Variants in CNEP1R1 observed in about 807,000 individuals in gnomAD.
CNEP1R1 encodes CTD nuclear envelope phosphatase 1 regulatory subunit 1.
In CNEP1R1, 10 loss-of-function variants were observed where a neutral mutation model predicts 22.7. The observed-to-expected ratio is 0.44, with a 90% confidence interval of 0.27 to 0.75. The LOEUF is 0.75. Among genes scored for constraint, CNEP1R1 ranks in the 30% least tolerant of loss-of-function variants. The pLI, the probability that CNEP1R1 is intolerant of heterozygous loss-of-function variation, is 0.17. For missense variants in CNEP1R1, 73 were observed against 151.5 expected (o/e 0.48, Z 2.72); for synonymous variants, 53 against 50.1 (o/e 1.06, Z -0.25).
At chr16:50,034,643 C>T (rs1451985881) in intron 5 of CNEP1R1, 1 of 159,110 alleles carries the variant, frequency 6.3e-6, no homozygotes, top group African/African-American at 2.4e-5. Context: ...GCTCATGCCT[C>T]TAATCCCAGC....
At chr16:50,029,913 G>A (rs2036217321) in intron 3 of CNEP1R1, 115 bp downstream of exon 3, 1 of 578,780 alleles carries the variant, frequency 1.7e-6, no homozygotes, top group Admixed American at 3.5e-5. Flanking sequence ...TAGTGATATT[G>A]TCATATTAAA....
rs751893359 is a variant in CNEP1R1 at position 50,025,277 on chromosome 16, C to A, written c.-39C>A. On this transcript the variant is annotated 5_prime_UTR_variant, in exon 1 of 6. Coordinates refer to ENST00000427478, the MANE Select transcript of CNEP1R1 (RefSeq NM_001281789.2). ...GGCGGGGGCCGCGGAAGCTGCGATGCGGACAGGGCAGCGGCGGTGACCCGA... is the reference window on the plus strand; with the variant it reads ...GGCGGGGGCCGCGGAAGCTGCGATGAGGACAGGGCAGCGGCGGTGACCCGA... 2.2e-6 allele frequency: 3 copies of A among 1,390,346 alleles called. No homozygotes were observed. Among genetic ancestry groups the A allele is most frequent in the Non-Finnish European group, 9.3e-7 (1 of 1,076,952 alleles). The allele number at this position is 1,390,346 out of a possible 1,614,324, so 86.1% of individuals were successfully genotyped here.
At chr16:50,034,782 G>T in intron 5 of CNEP1R1, 1 of 154,164 alleles carries the variant, frequency 6.5e-6, no homozygotes, top group Admixed American at 6.5e-5. Context: ...CACACCTGTA[G>T]TCCCAGCTGC....
intron 2 of CNEP1R1, 132 bp downstream of exon 2, chr16:50,026,599 A>G (rs1250491791): frequency 7.4e-6 from 5 of 678,638 alleles, no homozygotes; most frequent in African/African-American, 1.8e-5. Flanking sequence ...TTATGAAGAA[A>G]TTTTTAAGAA....
Position 50,035,419 on chromosome 16 carries a change from A to T in CNEP1R1, c.339A>T (p.Thr113=). The T allele has an allele frequency of 6.4e-7, 1 of 1,567,524 alleles. No individual in the cohort carries two copies. Among genetic ancestry groups the T allele is most frequent in the Non-Finnish European group, 8.7e-7 (1 of 1,149,622 alleles). Residue 113 remains threonine (T), a splice_region_variant and synonymous_variant, in exon 6 of 6, where the codon ACA becomes ACT. Coordinates refer to ENST00000427478, the MANE Select transcript of CNEP1R1 (RefSeq NM_001281789.2). The part of the protein sequence containing the change: ...LAEYNMSCDD[T]GKLILKPRPH... ...ATTCTGTCTTTTCATTTTTGCAGAC[A>T]GGAAAACTAATTTTGAAACCTAGGC...
intron 2 of CNEP1R1, among the ~76,000 whole-genome samples, chr16:50,028,335 T>G (rs1038826476): frequency 2.0e-5 from 3 of 152,224 alleles, no homozygotes; most frequent in Non-Finnish European, 4.4e-5. Flanking sequence ...TAGCACACAT[T>G]GAGGATTTAC....
chr16:50,032,469 T>C (rs1299651432), intron 3 of CNEP1R1, among the ~76,000 whole-genome samples: 1 of 152,216 alleles, frequency 6.6e-6, no homozygotes, highest in Admixed American at 6.5e-5. Context: ...TTTTCCCTAC[T>C]TGAATGTCCT....
Position 50,025,306 on chromosome 16 carries a change from G to A in CNEP1R1, c.-10G>A. On this transcript the variant is annotated 5_prime_UTR_variant, in exon 1 of 6. Coordinates refer to ENST00000427478, the MANE Select transcript of CNEP1R1 (RefSeq NM_001281789.2). ...CAGGGCAGCGGCGGTGACCCGAGCT[G>A]CCGCCCGACATGAACTCGCTGGAGC... 1 of 1,429,706 alleles carries A rather than the reference G, an allele frequency of 7.0e-7. No individual in the cohort carries two copies. Among genetic ancestry groups the A allele is most frequent in the Non-Finnish European group, 9.1e-7 (1 of 1,096,366 alleles). The allele number at this position is 1,429,706 out of a possible 1,614,324, so 88.6% of individuals were successfully genotyped here. A position where few individuals can be genotyped will look rare whatever the true frequency, so the allele number is the denominator to read the frequency against.
intron 1 of CNEP1R1, 58 bp from the exon 2 acceptor site, chr16:50,026,338 G>T: frequency 8.0e-7 from 1 of 1,243,326 alleles, no homozygotes; most frequent in South Asian, 1.3e-5. Context: ...TAAATACTCT[G>T]ACATTTCGTC....
chr16:50,026,553 G>A (rs1284201873), intron 2 of CNEP1R1, 86 bp downstream of exon 2: 3 of 1,088,954 alleles, frequency 2.8e-6, no homozygotes, highest in East Asian at 2.6e-5. Context: ...TATGTAAAAT[G>A]TTTGTTTAAA....
intron 1 of CNEP1R1, chr16:50,025,913 C>T (rs1372303681): frequency 5.3e-6 from 3 of 562,540 alleles, no homozygotes; most frequent in South Asian, 2.4e-5. Flanking sequence ...CTAGTAAGGC[C>T]AGACGGCGTA....
intron 3 of CNEP1R1, among the ~76,000 whole-genome samples, chr16:50,032,871 G>C (rs751068603): frequency 6.6e-6 from 1 of 152,124 alleles, no homozygotes; most frequent in Non-Finnish European, 1.5e-5. Context: ...CGGGTGTGGT[G>C]GTGGGCGCCT....
intron 5 of CNEP1R1, among the ~76,000 whole-genome samples, chr16:50,034,860 C>T (rs1335707442): frequency 6.6e-6 from 1 of 151,742 alleles, no homozygotes; most frequent in Non-Finnish European, 1.5e-5. Context: ...TGTGATCATA[C>T]CACTGCAGTC....
chr16:50,029,982 A>G (rs1365019324), intron 3 of CNEP1R1, among the ~76,000 whole-genome samples, 184 bp downstream of exon 3: 1 of 152,216 alleles, frequency 6.6e-6, no homozygotes, highest in African/African-American at 2.4e-5. Context: ...TGAATTAAGT[A>G]TGTCTACAGG....
At chr16:50,030,126 T>C (rs1456145977) in intron 3 of CNEP1R1, among the ~76,000 whole-genome samples, 1 of 152,190 alleles carries the variant, frequency 6.6e-6, no homozygotes, top group African/African-American at 2.4e-5. Context: ...TTCATTCTGC[T>C]TTGTTCATTG....
chr16:50,030,460 TGTAAA>T (rs746536728), intron 3 of CNEP1R1, among the ~76,000 whole-genome samples: 2 of 152,134 alleles, frequency 1.3e-5, no homozygotes, highest in Non-Finnish European at 2.9e-5. Context: ...AGAAAAAAAT[TGTAAA>T]ATAACATTTT....
At chr16:50,029,430 T>G (rs1192108159) in intron 2 of CNEP1R1, among the ~76,000 whole-genome samples, 1 of 152,230 alleles carries the variant, frequency 6.6e-6, no homozygotes, top group Non-Finnish European at 1.5e-5. Context: ...GAACGTTACA[T>G]AGCGTAGACT....
intron 3 of CNEP1R1, among the ~76,000 whole-genome samples, chr16:50,031,900 A>C (rs1320540109): frequency 6.6e-6 from 1 of 152,180 alleles, no homozygotes; most frequent in Non-Finnish European, 1.5e-5. Context: ...TGGCCTAATT[A>C]AAATGAAGAC....
chr16:50,025,476 C>G, intron 1 of CNEP1R1, 136 bp downstream of exon 1: 1 of 1,155,014 alleles, frequency 8.7e-7, no homozygotes, highest in Non-Finnish European at 1.2e-6. Flanking sequence ...AGCTTGGGGG[C>G]GCGTAGGCGG....
Sources: gnomAD v4.1 joint callset for allele counts (sites outside exome capture counted in the v4.1 genomes callset) on GRCh38, gnomAD v4.1.1 for gene constraint, MANE v1.5 for transcripts, NCBI Gene and HGNC (gene_info 2026-07-23, HGNC 2026-07-21) for gene names.